GLI3: variants seen among roughly 807,000 people sequenced by gnomAD.
GLI3 encodes the protein transcription activator GLI3.
Under a neutral mutation model 100.8 loss-of-function variants are expected in GLI3, and 20 were observed. That is an observed-to-expected ratio of 0.20 (90% CI 0.14 to 0.29). The LOEUF is 0.29. Among genes scored for constraint, GLI3 ranks in the 10% least tolerant of loss-of-function variants. The pLI is 1.00. For missense variants in GLI3, 2,040 were observed against 2,128.5 expected, an observed-to-expected ratio of 0.96 and a Z score of 0.82; for synonymous variants, 938 against 860.5, an observed-to-expected ratio of 1.09 and a Z score of -1.58.
upstream of GLI3, among the ~76,000 whole-genome samples, chr7:42,242,668 C>T (rs1788937138): frequency 6.6e-6 from 1 of 152,156 alleles, no homozygotes; most frequent in African/African-American, 2.4e-5. Context: ...TGCAGAAAAA[C>T]AAAGAGCCCT....
intron 3 of GLI3, among the ~76,000 whole-genome samples, chr7:42,106,204 T>C (rs1460517024): frequency 6.6e-6 from 1 of 152,170 alleles, no homozygotes; most frequent in Non-Finnish European, 1.5e-5. Flanking sequence ...AGCCCGCAGT[T>C]TCCATGCTGC....
Position 41,966,881 on chromosome 7 carries a change from G to T in GLI3, c.2432-240C>A, listed in dbSNP as rs540441804. 1.1e-3 allele frequency among the ~76,000 whole-genome samples: 164 copies of T among 152,272 alleles called. No homozygotes were observed. The highest frequency in any genetic ancestry group is 3.7e-3 in the African/African-American group (154 of 41,546). ...TGAAGCTTCCTTTACAAAAACAGGG[G>T]CGGCTGGAGATGGCCGCAGGCTGTA... On this transcript the variant is annotated intron_variant, in intron 14 of 14. Transcript: ENST00000395925. The surrounding 1 kb of genome is among the most constrained non-coding windows in gnomAD (Gnocchi z 5.8).
intron 2 of GLI3, among the ~76,000 whole-genome samples, chr7:42,194,377 C>G (rs1787884693): frequency 6.6e-6 from 1 of 152,230 alleles, no homozygotes; most frequent in Non-Finnish European, 1.5e-5. Flanking sequence ...GGAGGCAGCA[C>G]TTTTTGCTCT....
chr7:42,044,184 T>C (rs2128740569), intron 6 of GLI3, among the ~76,000 whole-genome samples: 1 of 152,332 alleles, frequency 6.6e-6, no homozygotes, highest in East Asian at 1.9e-4. Context: ...TCGCCCTCTG[T>C]CACAGAAGAA....
chr7:42,125,871 A>T (rs1350656085), intron 3 of GLI3, among the ~76,000 whole-genome samples: 1 of 152,218 alleles, frequency 6.6e-6, no homozygotes, highest in Admixed American at 6.5e-5. Flanking sequence ...TAACTCAAAA[A>T]CACAAGGAAT....
Position 41,972,204 on chromosome 7 carries a change from C to T in GLI3, c.2103+133G>A. On this transcript the variant is annotated intron_variant, in intron 13 of 14. Transcript: ENST00000395925. The surrounding 1 kb of genome is among the most constrained non-coding windows in gnomAD (Gnocchi z 4.4). The stretch of plus-strand genomic sequence containing the variant: ...GACTTCACGTAAGCAATACGGGTCA[C>T]TGCCCTCATCGCCTCCTCAGATCAG... 1 of 856,568 alleles carries T rather than the reference C, an allele frequency of 1.2e-6. No homozygotes were observed. The highest frequency in any genetic ancestry group is 1.3e-5 in the South Asian group (1 of 74,716). The allele number at this position is 856,568 out of a possible 1,614,324, so 53.1% of individuals were successfully genotyped here.
chr7:42,244,956 T>C (rs1788957511), intron 1 of GLI3, among the ~76,000 whole-genome samples: 1 of 152,228 alleles, frequency 6.6e-6, no homozygotes, highest in Non-Finnish European at 1.5e-5. Flanking sequence ...TTAGAGACTT[T>C]TAAAAATATT....
intron 3 of GLI3, chr7:42,113,753 T>G: frequency 1.8e-6 from 1 of 563,424 alleles, no homozygotes; most frequent in Non-Finnish European, 3.2e-6. Context: ...ACAGAACACT[T>G]CATTGTTGTT....
chr7:41,972,286 G>A lies in GLI3; in HGVS notation c.2103+51C>T. The stretch of plus-strand genomic sequence containing the variant: ...CCTGTCCCTCTATGCACCCTACCTG[G>A]CTCTTTTAAATGGGCCTGCTGTGAA... On this transcript the variant is annotated intron_variant, in intron 13 of 14. Coordinates refer to ENST00000395925, the MANE Select transcript of GLI3 (RefSeq NM_000168.6). The surrounding 1 kb of genome is among the most constrained non-coding windows in gnomAD (Gnocchi z 4.4). The A allele has an allele frequency of 6.5e-7, 1 of 1,545,456 alleles. No individual in the cohort carries two copies. Among genetic ancestry groups the A allele is most frequent in the Non-Finnish European group, 8.9e-7 (1 of 1,118,786 alleles).
chr7:42,116,632 G>A (rs954505642), intron 3 of GLI3, among the ~76,000 whole-genome samples: 4 of 152,008 alleles, frequency 2.6e-5, no homozygotes, highest in Admixed American at 2.6e-4. Flanking sequence ...TCTGATGCAC[G>A]AGGGCACAGC....
At position 42,173,489 on chromosome 7, in the gene GLI3, C is replaced by T. The variant is rs566386780; in HGVS notation, c.125-25021G>A. On this transcript the variant is annotated intron_variant, in intron 2 of 14. Coordinates refer to ENST00000395925, the MANE Select transcript of GLI3 (RefSeq NM_000168.6). The stretch of plus-strand genomic sequence containing the variant: ...ATTTTGGCTTTTGTGGAAAGCTGCC[C>T]ATTTATTCTGATTTAGAAGCAAATA... Among the ~76,000 whole-genome samples, 211 of 152,260 alleles carry T rather than the reference C, an allele frequency of 1.4e-3. 1 individual carries two copies. The highest frequency in any genetic ancestry group is 6.8e-3 in the Middle Eastern group (2 of 294).
chr7:42,076,803 T>C lies in GLI3; in HGVS notation c.422A>G (p.His141Arg). 1.9e-6 allele frequency: 3 copies of C among 1,613,600 alleles called. No individual in the cohort carries two copies. Among genetic ancestry groups the C allele is most frequent in the Non-Finnish European group, 2.5e-6 (3 of 1,179,490 alleles). The change falls in exon 4 of 15, where the codon CAT becomes CGT. Residue 141 changes from histidine (H) to arginine (R), a missense_variant. His to Arg is a conservative substitution (Grantham distance 29). Around this residue, in one of 5 missense-constraint regions of GLI3, gnomAD observed 603 missense variants for 690.9 expected, o/e 0.87. Coordinates refer to ENST00000395925, the MANE Select transcript of GLI3 (RefSeq NM_000168.6). ...ATCGTAATGGTAACGGCCCTCATGA[T>C]GTCTGGCATCAATTGGTACAGGAGG... ...FHPPVPIDAR[H>R]HEGRYHYDPS...
chr7:42,161,612 C>T (rs1481697818), intron 2 of GLI3, among the ~76,000 whole-genome samples: 3 of 152,164 alleles, frequency 2.0e-5, no homozygotes, highest in Non-Finnish European at 4.4e-5. Flanking sequence ...GCAATATCAT[C>T]CTACAGATGA....
rs201707528 is a variant in GLI3 at position 42,092,785 on chromosome 7, T to TTTTATTTA, written c.368-15936_368-15929dup. Among the ~76,000 whole-genome samples, 407 of 145,484 alleles carry TTTTATTTA rather than the reference T, an allele frequency of 2.8e-3. 1 individual carries two copies. Among genetic ancestry groups the TTTTATTTA allele is most frequent in the African/African-American group, 8.7e-3 (340 of 38,922 alleles). On this transcript the variant is annotated intron_variant, in intron 3 of 14. Transcript: ENST00000395925. ...GGGGCTCATCTTTTATTTTATTTCA[T>TTTTATTTA]TTTATTTATTTATTTATTTATTTAT...
intron 2 of GLI3, among the ~76,000 whole-genome samples, chr7:42,183,737 T>G (rs909044224): frequency 1.3e-5 from 2 of 152,202 alleles, no homozygotes; most frequent in Admixed American, 1.3e-4. Flanking sequence ...TCATCTTGGA[T>G]TCCTCTCTCC....
intron 10 of GLI3, among the ~76,000 whole-genome samples, chr7:42,009,950 T>C (rs766064960): frequency 1.3e-5 from 2 of 152,220 alleles, no homozygotes; most frequent in African/African-American, 4.8e-5. Flanking sequence ...TCTATGTCAC[T>C]AGTTCTTTCT....
intron 3 of GLI3, among the ~76,000 whole-genome samples, chr7:42,112,483 G>A (rs1785736971): frequency 1.3e-5 from 2 of 152,082 alleles, no homozygotes; most frequent in African/African-American, 4.8e-5. Context: ...GAATTAGAAT[G>A]TTCCTAACAC....
chr7:42,107,853 CTGT>C (rs929505525), intron 3 of GLI3, among the ~76,000 whole-genome samples: 9 of 152,302 alleles, frequency 5.9e-5, no homozygotes, highest in Admixed American at 1.3e-4. Flanking sequence ...ATTTTGTTTA[CTGT>C]TGTTGTTGTT....
At chr7:42,141,947 A>G (rs1178586495) in intron 3 of GLI3, among the ~76,000 whole-genome samples, 1 of 152,120 alleles carries the variant, frequency 6.6e-6, no homozygotes, top group Non-Finnish European at 1.5e-5. Flanking sequence ...TCTCTGCCCT[A>G]TGGTGGCACG....
Sources: allele counts gnomAD v4.1 joint callset (sites outside exome capture counted in the v4.1 genomes callset), GRCh38; gene constraint gnomAD v4.1.1; regional missense constraint gnomAD v4.1.1; non-coding constraint Gnocchi (gnomAD v3.1); transcripts MANE v1.5; gene names NCBI Gene and HGNC (gene_info 2026-07-23, HGNC 2026-07-21).